Variants in TRIM9 observed in about 807,000 individuals in gnomAD.
TRIM9 encodes the protein E3 ubiquitin-protein ligase TRIM9.
TRIM9 carries 26 observed loss-of-function variants against 78.3 expected under a neutral mutation model. The ratio of observed to expected loss-of-function variants is 0.33; its 90% CI spans 0.24 to 0.46. TRIM9 has a LOEUF of 0.46. Among genes scored for constraint, TRIM9 ranks in the 20% least tolerant of loss-of-function variants. The pLI, the probability that TRIM9 is intolerant of heterozygous loss-of-function variation, is 1.00. For synonymous variants in TRIM9, 398 were observed against 416.5 expected (o/e 0.96, Z 0.54); for missense variants, 787 against 1,036.4 (o/e 0.76, Z 3.30).
At chr14:51,053,580 C>CTTTTTTTTTTTTTTTATTTTTTTT (rs1348456935) in intron 1 of TRIM9, among the ~76,000 whole-genome samples, 1 of 74,810 alleles carries the variant, frequency 1.3e-5, no homozygotes, top group Non-Finnish European at 2.7e-5. Context: ...TTTTAATTTT[C>CTTTTTTTTTTTTTTTATTTTTTTT]TTTTTTTTTT....
intron 1 of TRIM9, among the ~76,000 whole-genome samples, chr14:51,091,636 G>A (rs2064337096): frequency 6.6e-6 from 1 of 152,168 alleles, no homozygotes; most frequent in South Asian, 2.1e-4. Context: ...TCTAACAGAT[G>A]ACAAGTGAAT....
chr14:51,058,553 A>C (rs770468867), intron 1 of TRIM9, among the ~76,000 whole-genome samples: 1 of 151,898 alleles, frequency 6.6e-6, no homozygotes, highest in Non-Finnish European at 1.5e-5. Context: ...TCCAGGCCAT[A>C]CCCTCCCGTC....
chr14:51,016,471 C>T (rs545948693), intron 3 of TRIM9, among the ~76,000 whole-genome samples: 2 of 146,752 alleles, frequency 1.4e-5, no homozygotes, highest in Non-Finnish European at 1.5e-5. Context: ...CCCCCCACCC[C>T]CTACCCCCCT....
intron 1 of TRIM9, among the ~76,000 whole-genome samples, chr14:51,041,547 C>T (rs1226916151): frequency 6.6e-6 from 1 of 152,342 alleles, no homozygotes; most frequent in East Asian, 1.9e-4. Flanking sequence ...TAACCCCCAA[C>T]TGCCTTTCGC....
intron 5 of TRIM9, among the ~76,000 whole-genome samples, chr14:51,005,464 A>C (rs1270746825): frequency 6.6e-6 from 1 of 152,162 alleles, no homozygotes; most frequent in African/African-American, 2.4e-5. Context: ...CAGTACCATG[A>C]CTCATGAATC....
chr14:50,979,739 G>A (rs1566538243), intron 11 of TRIM9, among the ~76,000 whole-genome samples, 190 bp from the exon 12 acceptor site: 1 of 152,094 alleles, frequency 6.6e-6, no homozygotes, highest in African/African-American at 2.4e-5. Context: ...GGTACTGTGT[G>A]TATATCTGTG....
intron 5 of TRIM9, among the ~76,000 whole-genome samples, chr14:51,005,495 AGACAAT>A (rs2055660659): frequency 6.6e-6 from 1 of 152,228 alleles, no homozygotes; most frequent in African/African-American, 2.4e-5. Flanking sequence ...TTGTGTACTT[AGACAAT>A]TCTGGGTTAA....
intron 10 of TRIM9, 123 bp from the exon 11 acceptor site, chr14:50,982,226 C>T (rs2052028245): frequency 7.7e-6 from 9 of 1,166,284 alleles, no homozygotes; most frequent in South Asian, 6.0e-5. Flanking sequence ...AGGAAGGAGG[C>T]GTCCAGGGCC....
At chr14:50,979,591 C>T (rs1382454731) in intron 11 of TRIM9, 42 bp from the exon 12 acceptor site, 11 of 1,550,688 alleles carry the variant, frequency 7.1e-6, no homozygotes, top group Non-Finnish European at 8.9e-6. Context: ...TCCTTGTGGT[C>T]ACTCTAGAAG....
intron 7 of TRIM9, among the ~76,000 whole-genome samples, chr14:50,994,614 A>G (rs2053960999): frequency 6.6e-6 from 1 of 152,202 alleles, no homozygotes; most frequent in Non-Finnish European, 1.5e-5. Context: ...AAAATGTCCT[A>G]TCCTGTTCTC....
intron 1 of TRIM9, among the ~76,000 whole-genome samples, chr14:51,065,055 A>G (rs1254003606): frequency 6.6e-6 from 1 of 152,120 alleles, no homozygotes; most frequent in African/African-American, 2.4e-5. Context: ...GAAGTTAAGA[A>G]ATTCTTCTCA....
chr14:50,990,069 T>G (rs1056186899), intron 7 of TRIM9, among the ~76,000 whole-genome samples: 8 of 152,090 alleles, frequency 5.3e-5, no homozygotes, highest in Non-Finnish European at 1.2e-4. Flanking sequence ...CAGGCTAGAG[T>G]GTAGTGGTGT....
At chr14:51,051,445 T>G (rs1566617250) in intron 1 of TRIM9, among the ~76,000 whole-genome samples, 1 of 151,828 alleles carries the variant, frequency 6.6e-6, no homozygotes, top group Non-Finnish European at 1.5e-5. Flanking sequence ...GGAAAAAGGG[T>G]GGAAGAGGAA....
At chr14:51,016,471 C>G (rs545948693) in intron 3 of TRIM9, among the ~76,000 whole-genome samples, 1 of 146,752 alleles carries the variant, frequency 6.8e-6, no homozygotes, top group Non-Finnish European at 1.5e-5. Flanking sequence ...CCCCCCACCC[C>G]CTACCCCCCT....
At position 51,000,696 on chromosome 14, in the gene TRIM9, C is replaced by T. The variant is rs887395439; in HGVS notation, c.1451G>A (p.Gly484Asp). 1 of 1,614,118 alleles carries T rather than the reference C, an allele frequency of 6.2e-7. No homozygotes were observed. The highest frequency in any genetic ancestry group is 8.5e-7 in the Non-Finnish European group (1 of 1,179,966). Residue 484 changes from glycine (G) to aspartate (D), a missense_variant, in exon 6 of 13, where the codon GGT becomes GAT. Gly to Asp is a moderately conservative substitution (Grantham distance 94, BLOSUM62 -1). Around this residue, in one of 3 missense-constraint regions of TRIM9, gnomAD observed 421 missense variants for 514.3 expected, o/e 0.82. Transcript: ENST00000684578. ...GYILELDDGNGGQFREVYVGK... is the reference protein window; with the variant it reads ...GYILELDDGNDGQFREVYVGK... Reference sequence around the variant, plus strand: ...CTGTCTACTGACCCGGAATTGACCACCGTTGCCATCATCCAGCTCCAGAAT... The same window carrying T: ...CTGTCTACTGACCCGGAATTGACCATCGTTGCCATCATCCAGCTCCAGAAT...
chr14:51,014,773 G>A (rs1277701714), intron 3 of TRIM9, among the ~76,000 whole-genome samples: 2 of 152,128 alleles, frequency 1.3e-5, no homozygotes, highest in African/African-American at 4.8e-5. Context: ...ATTCCTGGAA[G>A]CCAGGCCACC....
At chr14:51,052,059 GAAGAGGAGAA>G (rs1205920544) in intron 1 of TRIM9, among the ~76,000 whole-genome samples, 1 of 151,708 alleles carries the variant, frequency 6.6e-6, no homozygotes, top group Non-Finnish European at 1.5e-5. Context: ...GAAGAGAAGA[GAAGAGGAGAA>G]GAGAAGAGAG....
chr14:51,077,994 T>C (rs2062958066), intron 1 of TRIM9, among the ~76,000 whole-genome samples: 1 of 152,166 alleles, frequency 6.6e-6, no homozygotes, highest in South Asian at 2.1e-4. Context: ...ACGACCCAAT[T>C]GAGCAACCAA....
intron 1 of TRIM9, among the ~76,000 whole-genome samples, chr14:51,082,323 T>C (rs1379422099): frequency 6.6e-6 from 1 of 152,238 alleles, no homozygotes; most frequent in Non-Finnish European, 1.5e-5. Flanking sequence ...ACAGCATTAT[T>C]AGTAATAGCC....
Sources: gnomAD v4.1 joint callset for allele counts (sites outside exome capture counted in the v4.1 genomes callset) on GRCh38, gnomAD v4.1.1 for gene constraint, gnomAD v4.1.1 regional missense constraint, MANE v1.5 for transcripts, NCBI Gene and HGNC (gene_info 2026-07-23, HGNC 2026-07-21) for gene names.